The following RPTOR variants were observed in gnomAD, a reference collection of about 807,000 sequenced individuals.
RPTOR encodes regulatory associated protein of MTOR complex 1, also known as regulatory-associated protein of mTOR.
A neutral mutation model predicts 169.9 loss-of-function variants in RPTOR; 21 were observed. The observed-to-expected ratio is 0.12, with a 90% CI of 0.09 to 0.18. The LOEUF (loss-of-function observed/expected upper bound fraction) is 0.18. RPTOR is among the 10% of genes least tolerant of loss of function. RPTOR has a pLI of 1.00. For synonymous variants in RPTOR, 732 were observed against 753.2 expected (o/e 0.97, Z 0.46); for missense variants, 1,133 against 1,855.9 (o/e 0.61, Z 7.16).
intron 24 of RPTOR, among the ~76,000 whole-genome samples, chr17:80,935,941 G>A (rs570228281): frequency 3.0e-4 from 46 of 152,260 alleles, no homozygotes; most frequent in African/African-American, 1.0e-3. Context: ...CAGACAGAGC[G>A]AAAATTATAA....
chr17:80,797,469 A>G (rs2067112614), intron 7 of RPTOR, among the ~76,000 whole-genome samples: 1 of 152,222 alleles, frequency 6.6e-6, no homozygotes, highest in African/African-American at 2.4e-5. Flanking sequence ...ATATTGTATT[A>G]TCTACAAAGG....
At position 80,957,522 on chromosome 17, in the gene RPTOR, T is replaced by G. The variant is rs1598425171; in HGVS notation, c.3371-102T>G. ...CAGATGGGCTCGATGGTGGCAGGGG[T>G]ACCTTGTAGCTGCTGGCCAAATTGC... On this transcript the variant is annotated intron_variant, in intron 28 of 33. Coordinates refer to ENST00000306801, the MANE Select transcript of RPTOR (RefSeq NM_020761.3). The surrounding 1 kb of genome is among the most constrained non-coding windows in gnomAD (Gnocchi z 4.6). 1.9e-6 allele frequency: 2 copies of G among 1,028,642 alleles called. No individual in the cohort carries two copies. The allele number at this position is 1,028,642 out of a possible 1,614,324, so 63.7% of individuals were successfully genotyped here. A position where few individuals can be genotyped will look rare whatever the true frequency, so the allele number is the denominator to read the frequency against.
intron 3 of RPTOR, among the ~76,000 whole-genome samples, chr17:80,662,561 C>T (rs927287487): frequency 3.3e-5 from 5 of 151,906 alleles, no homozygotes; most frequent in African/African-American, 1.2e-4. Flanking sequence ...AGGATGGGTC[C>T]AGGTGGGGTC....
chr17:80,550,393 G>T (rs1045993581), intron 1 of RPTOR, among the ~76,000 whole-genome samples: 4 of 152,244 alleles, frequency 2.6e-5, no homozygotes, highest in African/African-American at 9.6e-5. Flanking sequence ...TTTGCTACCT[G>T]ACACCTAAAT....
At chr17:80,588,652 G>A (rs2065081596) in intron 1 of RPTOR, among the ~76,000 whole-genome samples, 1 of 152,106 alleles carries the variant, frequency 6.6e-6, no homozygotes, top group East Asian at 1.9e-4. Flanking sequence ...TTTTCTTCAT[G>A]ACTAATGAAA....
intron 6 of RPTOR, among the ~76,000 whole-genome samples, chr17:80,776,848 G>T (rs1319083455): frequency 6.6e-6 from 1 of 152,154 alleles, no homozygotes; most frequent in African/African-American, 2.4e-5. Flanking sequence ...CATCTGGACC[G>T]ACCAGTATTA....
At chr17:80,886,324 C>G (rs1256366785) in intron 17 of RPTOR, among the ~76,000 whole-genome samples, 1 of 152,350 alleles carries the variant, frequency 6.6e-6, no homozygotes, top group African/African-American at 2.4e-5. Context: ...CATGAGTATG[C>G]TACATTTTCT....
At chr17:80,710,729 T>C (rs1297204492) in intron 4 of RPTOR, among the ~76,000 whole-genome samples, 1 of 152,192 alleles carries the variant, frequency 6.6e-6, no homozygotes, top group Non-Finnish European at 1.5e-5. Flanking sequence ...TGATGAATGA[T>C]CTGTTTCATG....
chr17:80,885,430 C>T (rs56283765), intron 17 of RPTOR, among the ~76,000 whole-genome samples: 35,371 of 152,196 alleles, frequency 0.23, 4,341 homozygotes, highest in African/African-American at 0.29. Flanking sequence ...GGCACCACTG[C>T]GATTCCAAAG....
chr17:80,915,339 G>A (rs554973246), intron 21 of RPTOR, among the ~76,000 whole-genome samples: 1 of 63,730 alleles, frequency 1.6e-5, no homozygotes, highest in African/African-American at 5.9e-5. Flanking sequence ...CTGCAGAGAG[G>A]AGTTAACCAC....
At chr17:80,589,425 C>A (rs913612625) in intron 1 of RPTOR, among the ~76,000 whole-genome samples, 2 of 152,176 alleles carry the variant, frequency 1.3e-5, no homozygotes, top group African/African-American at 2.4e-5. Context: ...TTTCTTGACT[C>A]CCTGTGTCCC....
chr17:80,724,603 A>G (rs537993315), intron 4 of RPTOR, among the ~76,000 whole-genome samples: 1 of 152,262 alleles, frequency 6.6e-6, no homozygotes, highest in East Asian at 1.9e-4. Flanking sequence ...CGGCGAGGCC[A>G]GGTTCTCCCA....
At position 80,746,127 on chromosome 17, in the gene RPTOR, C is replaced by T. The variant is rs1246686197; in HGVS notation, c.655-7883C>T. 6.6e-6 allele frequency among the ~76,000 whole-genome samples: 1 copy of T among 151,722 alleles called. No individual in the cohort carries two copies. Among genetic ancestry groups the T allele is most frequent in the Non-Finnish European group, 1.5e-5 (1 of 67,926 alleles). On this transcript the variant is annotated intron_variant, in intron 5 of 33. Transcript: ENST00000306801. This position sits in a 1 kb window ranked among gnomAD's most constrained non-coding sequence, Gnocchi z 4.5. ...CAGTGAGCTGAGATGGTGCCATTGC[C>T]CTCCAGCCTGGGTGACAAGAGCAAA...
At chr17:80,665,912 G>A (rs569565553) in intron 3 of RPTOR, among the ~76,000 whole-genome samples, 1 of 152,300 alleles carries the variant, frequency 6.6e-6, no homozygotes, top group Non-Finnish European at 1.5e-5. Flanking sequence ...TCGGAAAGAT[G>A]AAGGAAGTCT....
intron 20 of RPTOR, among the ~76,000 whole-genome samples, chr17:80,908,063 T>C (rs1370325277): frequency 6.6e-6 from 1 of 152,116 alleles, no homozygotes; most frequent in Admixed American, 6.6e-5. Context: ...GCCTGTAGGA[T>C]TGCTGGGGAA....
Position 80,940,513 on chromosome 17 carries a change from C to T in RPTOR, c.2937C>T (p.Asp979=), listed in dbSNP as rs1340497404. ...TGTTGAAGATCCCAGAAGAGCACGACCTGGAGAGTCAGATCCGCAAGGAGC... is the reference window on the plus strand; with the variant it reads ...TGTTGAAGATCCCAGAAGAGCACGATCTGGAGAGTCAGATCCGCAAGGAGC... The part of the protein sequence containing the change: ...QPVMKIPEEH[D]LESQIRKERE... Residue 979 remains aspartate (D), a synonymous_variant, in exon 25 of 34, where the codon GAC becomes GAT. Coordinates refer to ENST00000306801, the MANE Select transcript of RPTOR (RefSeq NM_020761.3). The T allele has an allele frequency of 6.2e-7, 1 of 1,613,764 alleles. No homozygotes were observed. Among genetic ancestry groups the T allele is most frequent in the East Asian group, 2.2e-5 (1 of 44,872 alleles).
chr17:80,852,401 C>T (rs916593667), intron 11 of RPTOR, among the ~76,000 whole-genome samples: 3 of 152,044 alleles, frequency 2.0e-5, no homozygotes, highest in African/African-American at 7.3e-5. Context: ...CAGTGGCATG[C>T]GACAGCCCCC....
rs2067908940 is a variant in RPTOR, at chr17:80,860,732, TC to T, written c.1509+2835del. Reference sequence around the variant, plus strand: ...TGCTAGTTCACTGGTTCTTGTAGATTCCCTAGGATTTTATGTATATGCTCTC... The same window carrying T: ...TGCTAGTTCACTGGTTCTTGTAGATTCCTAGGATTTTATGTATATGCTCTC... On this transcript the variant is annotated intron_variant, in intron 13 of 33. Coordinates refer to ENST00000306801, the MANE Select transcript of RPTOR (RefSeq NM_020761.3). This position sits in a 1 kb window ranked among gnomAD's most constrained non-coding sequence, Gnocchi z 5.8. Among the ~76,000 whole-genome samples the T allele has an allele frequency of 6.6e-6, 1 of 151,902 alleles. No homozygotes were observed. The highest frequency in any genetic ancestry group is 2.1e-4 in the South Asian group (1 of 4,808).
At chr17:80,930,510 A>ACCC (rs2068883372) in intron 24 of RPTOR, among the ~76,000 whole-genome samples, 1 of 149,396 alleles carries the variant, frequency 6.7e-6, no homozygotes, top group African/African-American at 2.5e-5. Context: ...TCCTCAGCTC[A>ACCC]TCTTCAGCTT....
Sources: gnomAD v4.1 joint callset for allele counts (sites outside exome capture counted in the v4.1 genomes callset) on GRCh38, gnomAD v4.1.1 for gene constraint, Gnocchi (gnomAD v3.1) non-coding constraint, MANE v1.5 for transcripts, NCBI Gene and HGNC (gene_info 2026-07-23, HGNC 2026-07-21) for gene names.